PLD5: variants seen among roughly 807,000 people sequenced by gnomAD.
PLD5 encodes the protein phospholipase D family member 5.
In PLD5, 36 loss-of-function variants were observed where a neutral mutation model predicts 61.1. That is an observed-to-expected ratio of 0.59 (90% CI 0.45 to 0.78). The LOEUF (loss-of-function observed/expected upper bound fraction) is 0.78, where lower values mean the gene tolerates loss of function less well. Among genes scored for constraint, PLD5 ranks in the 30% least tolerant of loss-of-function variants. The probability of loss-of-function intolerance (pLI) is 0.00; values close to 1 mark genes in which losing one functional copy is unlikely to be tolerated. For synonymous variants in PLD5, 243 were observed against 242.8 expected (o/e 1.00, Z -0.01); for missense variants, 515 against 644.4 (o/e 0.80, Z 2.17).
chr1:242,220,457 C>T (rs758896735), intron 4 of PLD5, among the ~76,000 whole-genome samples: 11 of 152,154 alleles, frequency 7.2e-5, no homozygotes, highest in East Asian at 1.9e-4. Flanking sequence ...ACCATCTGGA[C>T]GGTGAGATAG....
intron 1 of PLD5, among the ~76,000 whole-genome samples, chr1:242,397,077 C>CT (rs1235439719): frequency 6.6e-6 from 1 of 152,126 alleles, no homozygotes; most frequent in East Asian, 1.9e-4. Context: ...AAGAATCAGC[C>CT]TTTGGACCTC....
At chr1:242,221,241 T>C (rs894368386) in intron 4 of PLD5, among the ~76,000 whole-genome samples, 6 of 152,234 alleles carry the variant, frequency 3.9e-5, no homozygotes, top group Non-Finnish European at 8.8e-5. Flanking sequence ...ATACAGTCCA[T>C]TCAATGCAAG....
intron 3 of PLD5, among the ~76,000 whole-genome samples, chr1:242,285,000 G>A (rs1249984299): frequency 1.3e-5 from 2 of 152,208 alleles, no homozygotes; most frequent in African/African-American, 4.8e-5. Flanking sequence ...ATGAGAGGCA[G>A]CTAAGAGGTG....
intron 4 of PLD5, among the ~76,000 whole-genome samples, chr1:242,258,793 G>A (rs572290484): frequency 6.6e-5 from 10 of 152,144 alleles, no homozygotes; most frequent in South Asian, 2.1e-4. Flanking sequence ...ACATAGCACC[G>A]TTGACACTCT....
intron 5 of PLD5, among the ~76,000 whole-genome samples, chr1:242,206,140 A>G (rs1022488688): frequency 4.5e-4 from 69 of 152,356 alleles, no homozygotes; most frequent in African/African-American, 1.6e-3. Context: ...AAAAGTATCC[A>G]TATCAGTCAA....
intron 5 of PLD5, among the ~76,000 whole-genome samples, chr1:242,151,785 T>C (rs1430743223): frequency 6.6e-6 from 1 of 152,094 alleles, no homozygotes; most frequent in Non-Finnish European, 1.5e-5. Flanking sequence ...TTTAATCCTT[T>C]TTACATTGTC....
intron 7 of PLD5, among the ~76,000 whole-genome samples, chr1:242,112,432 C>T (rs1300428356): frequency 1.3e-5 from 2 of 151,960 alleles, no homozygotes; most frequent in Non-Finnish European, 1.5e-5. Flanking sequence ...CTCCTGGGCT[C>T]AGGCGATTCT....
rs1422184339 is a variant in PLD5 at position 242,089,337 on chromosome 1, A to T, written c.*517T>A. On this transcript the variant is annotated 3_prime_UTR_variant, in exon 10 of 10. Transcript: ENST00000536534. ...AGCAAGACAGAAAAGGATATTTTTC[A>T]AGGGTGTTGAAGGCTGGCATGAGAT... is the stretch of plus-strand genomic sequence containing the variant. 2.5e-6 allele frequency: 1 copy of T among 400,224 alleles called. No individual in the cohort carries two copies. The highest frequency in any genetic ancestry group is 4.4e-6 in the Non-Finnish European group (1 of 227,254). The allele number at this position is 400,224 out of a possible 1,614,324, so 24.8% of individuals were successfully genotyped here. A position where few individuals can be genotyped will look rare whatever the true frequency, so the allele number is the denominator to read the frequency against.
intron 5 of PLD5, among the ~76,000 whole-genome samples, chr1:242,189,171 G>T (rs1375409468): frequency 1.3e-5 from 2 of 152,214 alleles, no homozygotes; most frequent in African/African-American, 2.4e-5. Flanking sequence ...TCTGGGCCAG[G>T]TGTGGTGGCT....
intron 1 of PLD5, among the ~76,000 whole-genome samples, chr1:242,484,500 C>T (rs1311198274): frequency 2.0e-5 from 3 of 152,188 alleles, no homozygotes; most frequent in African/African-American, 7.2e-5. Context: ...CCTCCCAAGA[C>T]TAAACCAGGA....
intron 2 of PLD5, among the ~76,000 whole-genome samples, chr1:242,318,553 C>A (rs2149183312): frequency 1.3e-5 from 2 of 152,216 alleles, no homozygotes; most frequent in South Asian, 4.1e-4. Context: ...CCATCTCGTA[C>A]CTTGTGAATC....
At chr1:242,368,039 G>A (rs889713906) in intron 1 of PLD5, among the ~76,000 whole-genome samples, 1 of 152,124 alleles carries the variant, frequency 6.6e-6, no homozygotes, top group Admixed American at 6.6e-5. Context: ...ATTAGACTGA[G>A]GCAATTCCAC....
chr1:242,470,137 C>G (rs1009111724), intron 1 of PLD5, among the ~76,000 whole-genome samples: 2 of 151,944 alleles, frequency 1.3e-5, no homozygotes, highest in Non-Finnish European at 2.9e-5. Flanking sequence ...GTCAGGAGAT[C>G]GAGACCATCC....
chr1:242,398,080 T>C (rs1367646134), intron 1 of PLD5, among the ~76,000 whole-genome samples: 2 of 152,162 alleles, frequency 1.3e-5, no homozygotes, highest in African/African-American at 4.8e-5. Context: ...AAAGCAAAGA[T>C]AGATTAAAAG....
At chr1:242,106,077 A>C (rs974749604) in intron 8 of PLD5, among the ~76,000 whole-genome samples, 11 of 152,198 alleles carry the variant, frequency 7.2e-5, no homozygotes, top group African/African-American at 2.7e-4. Context: ...AGGACTTCAC[A>C]GTACCTGCCC....
chr1:242,249,685 T>C (rs1672594064), intron 4 of PLD5, among the ~76,000 whole-genome samples: 2 of 152,208 alleles, frequency 1.3e-5, no homozygotes, highest in Non-Finnish European at 2.9e-5. Flanking sequence ...GTATGATCCA[T>C]ACTCCATCAT....
chr1:242,442,009 G>A (rs1666298045), intron 1 of PLD5, among the ~76,000 whole-genome samples: 1 of 152,192 alleles, frequency 6.6e-6, no homozygotes. Context: ...GTAAGCTTCT[G>A]TATAAAGCAA....
chr1:242,212,832 T>G (rs1181559686), intron 5 of PLD5, among the ~76,000 whole-genome samples: 1 of 152,238 alleles, frequency 6.6e-6, no homozygotes, highest in Non-Finnish European at 1.5e-5. Flanking sequence ...AACCTCTTTC[T>G]GATAATGGCC....
chr1:242,170,270 G>A lies in PLD5; in HGVS notation c.736-45605C>T, dbSNP rs561793106. On this transcript the variant is annotated intron_variant, in intron 5 of 9. Coordinates refer to ENST00000536534, the MANE Select transcript of PLD5 (RefSeq NM_001372062.1). ...CAATCTTTGCTGTTCTGCAGCCTCCGCTAGTGATAACCTAGGCAAACAGGG... is the reference window on the plus strand; with the variant it reads ...CAATCTTTGCTGTTCTGCAGCCTCCACTAGTGATAACCTAGGCAAACAGGG... 2.0e-3 allele frequency among the ~76,000 whole-genome samples: 301 copies of A among 152,292 alleles called. 5 individuals are homozygous for A. The highest frequency in any genetic ancestry group is 8.2e-4 in the African/African-American group (34 of 41,544).
Sources: gnomAD v4.1 joint callset for allele counts (sites outside exome capture counted in the v4.1 genomes callset) on GRCh38, gnomAD v4.1.1 for gene constraint, MANE v1.5 for transcripts, NCBI Gene and HGNC (gene_info 2026-07-23, HGNC 2026-07-21) for gene names.